The following CACNA2D3 variants were observed in gnomAD, a reference collection of about 807,000 sequenced individuals.
The protein encoded by CACNA2D3 is voltage-dependent calcium channel subunit alpha-2/delta-3.
In CACNA2D3, 60 loss-of-function variants were observed where a neutral mutation model predicts 160.6. That is an observed-to-expected ratio of 0.37 (90% confidence interval 0.30 to 0.46). The LOEUF (loss-of-function observed/expected upper bound fraction) is 0.46, where lower values mean the gene tolerates loss of function less well. Among genes scored for constraint, CACNA2D3 ranks in the 20% least tolerant of loss-of-function variants. The pLI is 1.00. For synonymous variants in CACNA2D3, 558 were observed against 492.9 expected (o/e 1.13, Z -1.75); for missense variants, 1,205 against 1,365.0 (o/e 0.88, Z 1.85).
At chr3:54,364,310 G>A (rs968242096) in intron 3 of CACNA2D3, among the ~76,000 whole-genome samples, 21 of 152,180 alleles carry the variant, frequency 1.4e-4, no homozygotes, top group Non-Finnish European at 2.1e-4. Context: ...AGGGACATAC[G>A]ATTTTATCTT....
At chr3:54,719,664 G>T (rs991602210) in intron 11 of CACNA2D3, among the ~76,000 whole-genome samples, 1 of 151,910 alleles carries the variant, frequency 6.6e-6, no homozygotes, top group Non-Finnish European at 1.5e-5. Flanking sequence ...GCCTCAAAAT[G>T]AGTTGGGCAG....
intron 4 of CACNA2D3, among the ~76,000 whole-genome samples, chr3:54,427,802 A>G (rs923163467): frequency 5.9e-5 from 9 of 152,202 alleles, no homozygotes; most frequent in Admixed American, 1.3e-4. Flanking sequence ...TATGGGGAAC[A>G]AGGGATCAGG....
chr3:54,291,195 C>T (rs1703194262), intron 2 of CACNA2D3, among the ~76,000 whole-genome samples: 1 of 152,092 alleles, frequency 6.6e-6, no homozygotes, highest in African/African-American at 2.4e-5. Context: ...TTGCTTATGT[C>T]AGTTTCCTAC....
At position 55,042,679 on chromosome 3, in the gene CACNA2D3, A is replaced by G. The variant is rs147000690; in HGVS notation, c.2987+24362A>G. 1.6e-3 allele frequency among the ~76,000 whole-genome samples: 249 copies of G among 152,284 alleles called. 1 individual carries two copies. The highest frequency in any genetic ancestry group is 5.4e-3 in the African/African-American group (223 of 41,574). On this transcript the variant is annotated intron_variant, in intron 35 of 37. Coordinates refer to ENST00000474759, the MANE Select transcript of CACNA2D3 (RefSeq NM_018398.3). ...TTGGCTCCTTTTGCCATAGACTTCT[A>G]TGAGTTTTGAGAAATATTTACAGTT... is the stretch of plus-strand genomic sequence containing the variant.
chr3:55,035,050 A>G, intron 35 of CACNA2D3, among the ~76,000 whole-genome samples: 1 of 152,136 alleles, frequency 6.6e-6, no homozygotes, highest in East Asian at 1.9e-4. Flanking sequence ...TTAGGTGGAA[A>G]TTATTTTCCA....
chr3:54,219,843 G>A (rs1046334254), intron 2 of CACNA2D3, among the ~76,000 whole-genome samples: 2 of 151,818 alleles, frequency 1.3e-5, no homozygotes, highest in African/African-American at 2.4e-5. Flanking sequence ...GGTTGAATAG[G>A]GCATATCTGG....
At chr3:54,758,559 A>G (rs966221818) in intron 12 of CACNA2D3, among the ~76,000 whole-genome samples, 6 of 152,186 alleles carry the variant, frequency 3.9e-5, no homozygotes, top group Admixed American at 3.3e-4. Context: ...ACCTTTTTCT[A>G]TAGAAATAAG....
chr3:55,055,525 G>A (rs1312263135), intron 35 of CACNA2D3, among the ~76,000 whole-genome samples: 1 of 152,014 alleles, frequency 6.6e-6, no homozygotes, highest in Non-Finnish European at 1.5e-5. Context: ...GGCCTTGGCT[G>A]TTAGGGACTT....
intron 4 of CACNA2D3, among the ~76,000 whole-genome samples, chr3:54,466,799 G>T (rs560049916): frequency 6.6e-6 from 1 of 152,242 alleles, no homozygotes; most frequent in South Asian, 2.1e-4. Flanking sequence ...TAGAAAAGTG[G>T]GTGTCCTTCA....
intron 2 of CACNA2D3, among the ~76,000 whole-genome samples, chr3:54,306,674 G>A (rs1559916809): frequency 6.6e-6 from 1 of 152,156 alleles, no homozygotes; most frequent in Non-Finnish European, 1.5e-5. Flanking sequence ...GCCCTCTCAG[G>A]GCCTCAGGCT....
rs1015414433 is a variant in CACNA2D3, at chr3:54,255,560, A to G, written c.205-64882A>G. On this transcript the variant is annotated intron_variant, in intron 2 of 37. Coordinates refer to ENST00000474759, the MANE Select transcript of CACNA2D3 (RefSeq NM_018398.3). ...ACCTCCTGACTGGTCCATCTTTCAC[A>G]ATTCCTGGGCTATCTTTCCTGAAAC... is the stretch of plus-strand genomic sequence containing the variant. Among the ~76,000 whole-genome samples, 7 of 152,242 alleles carry G rather than the reference A, an allele frequency of 4.6e-5. No individual in the cohort carries two copies. In the East Asian group the frequency reaches 1.2e-3, roughly 25 times the overall value.
intron 13 of CACNA2D3, among the ~76,000 whole-genome samples, chr3:54,810,870 G>C (rs781524681): frequency 6.6e-6 from 1 of 152,172 alleles, no homozygotes; most frequent in Non-Finnish European, 1.5e-5. Context: ...ACAAAAACAT[G>C]TCCCTCTGCT....
chr3:54,621,861 T>C (rs1428774986), intron 9 of CACNA2D3, among the ~76,000 whole-genome samples: 1 of 152,250 alleles, frequency 6.6e-6, no homozygotes, highest in Non-Finnish European at 1.5e-5. Context: ...TAGTCTGTTT[T>C]AATTTTCACA....
At chr3:54,539,134 G>A (rs7427225) in intron 5 of CACNA2D3, among the ~76,000 whole-genome samples, 2,529 of 152,266 alleles carry the variant, frequency 0.017, 72 homozygotes, top group East Asian at 0.11. Context: ...TGTGTCGGCC[G>A]TGTTCATGTT....
chr3:54,796,887 A>G (rs141270383), intron 13 of CACNA2D3, among the ~76,000 whole-genome samples: 1 of 152,008 alleles, frequency 6.6e-6, no homozygotes, highest in Non-Finnish European at 1.5e-5. Context: ...GGGCTGCCAC[A>G]GAGCTCCGTG....
intron 27 of CACNA2D3, among the ~76,000 whole-genome samples, chr3:54,958,424 T>C (rs1701954791): frequency 6.6e-6 from 1 of 152,194 alleles, no homozygotes; most frequent in South Asian, 2.1e-4. Flanking sequence ...TAGGTCAAAG[T>C]CAGTTTATTC....
intron 5 of CACNA2D3, among the ~76,000 whole-genome samples, chr3:54,514,899 T>C (rs1175497447): frequency 6.6e-6 from 1 of 152,234 alleles, no homozygotes; most frequent in Non-Finnish European, 1.5e-5. Flanking sequence ...AATCTACCGC[T>C]TGTGCCATTG....
intron 2 of CACNA2D3, among the ~76,000 whole-genome samples, chr3:54,244,000 C>G (rs772506562): frequency 5.9e-5 from 9 of 152,196 alleles, no homozygotes; most frequent in Non-Finnish European, 1.0e-4. Flanking sequence ...CTGCTCCCCC[C>G]GTCCTGTGCT....
At chr3:54,329,840 T>A (rs6796500) in intron 3 of CACNA2D3, among the ~76,000 whole-genome samples, 1,534 of 152,360 alleles carry the variant, frequency 0.01, 18 homozygotes, top group African/African-American at 0.034. Context: ...ATATTTTGAA[T>A]GCATATTTAG....
Sources: allele counts gnomAD v4.1 joint callset (sites outside exome capture counted in the v4.1 genomes callset), GRCh38; gene constraint gnomAD v4.1.1; transcripts MANE v1.5; gene names NCBI Gene and HGNC (gene_info 2026-07-23, HGNC 2026-07-21).